The following EPC1 variants were observed in gnomAD, a reference collection of about 807,000 sequenced individuals.
The protein encoded by EPC1 is enhancer of polycomb 1.
Under a neutral mutation model 98.4 loss-of-function variants are expected in EPC1, and 12 were observed. The ratio of observed to expected loss-of-function variants is 0.12; its 90% CI spans 0.08 to 0.20. The LOEUF is 0.20. EPC1 is among the 10% of genes least tolerant of loss of function. EPC1 has a pLI of 1.00. For missense variants in EPC1, 729 were observed against 990.5 expected, an observed-to-expected ratio of 0.74 and a Z score of 3.54; for synonymous variants, 357 against 363.9, an observed-to-expected ratio of 0.98 and a Z score of 0.21.
chr10:32,354,372 T>A (rs1839210585), intron 1 of EPC1, among the ~76,000 whole-genome samples: 1 of 152,110 alleles, frequency 6.6e-6, no homozygotes, highest in South Asian at 2.1e-4. Context: ...GAGAATGGTG[T>A]GGACCCGGGA....
intron 10 of EPC1, among the ~76,000 whole-genome samples, chr10:32,275,479 A>G (rs935929769): frequency 1.3e-5 from 2 of 152,126 alleles, no homozygotes; most frequent in Non-Finnish European, 2.9e-5. Context: ...TAAAAATGCA[A>G]AAGTTGGCTG....
chr10:32,317,457 C>T (rs1836621376), intron 1 of EPC1, among the ~76,000 whole-genome samples: 1 of 151,840 alleles, frequency 6.6e-6, no homozygotes, highest in Non-Finnish European at 1.5e-5. Context: ...GCCTGACCAA[C>T]ATAGGGAAAC....
intron 1 of EPC1, among the ~76,000 whole-genome samples, chr10:32,322,580 CA>C (rs1425510939): frequency 6.6e-6 from 1 of 151,990 alleles, no homozygotes; most frequent in African/African-American, 2.4e-5. Context: ...TCTTGCCAGT[CA>C]ATGTAGCACT....
At chr10:32,272,698 A>G (rs1467051784) in intron 11 of EPC1, among the ~76,000 whole-genome samples, 1 of 152,196 alleles carries the variant, frequency 6.6e-6, no homozygotes. Flanking sequence ...TTTTAAAAAT[A>G]TATTTTTCCT....
intron 1 of EPC1, among the ~76,000 whole-genome samples, chr10:32,310,500 T>C (rs1836144250): frequency 1.3e-5 from 2 of 152,186 alleles, no homozygotes. Context: ...AATAGTTCTG[T>C]AGAAAAAAAC....
intron 1 of EPC1, among the ~76,000 whole-genome samples, chr10:32,364,733 G>T (rs1330227254): frequency 6.6e-6 from 1 of 152,138 alleles, no homozygotes; most frequent in Non-Finnish European, 1.5e-5. Context: ...TGAGACATGT[G>T]ATTTCTAAAG....
chr10:32,330,298 A>G (rs569227924), intron 1 of EPC1, among the ~76,000 whole-genome samples: 2 of 152,188 alleles, frequency 1.3e-5, no homozygotes, highest in African/African-American at 2.4e-5. Context: ...AACATCTGAA[A>G]TATTTGGAAC....
chr10:32,323,208 G>A (rs2248086), intron 1 of EPC1, among the ~76,000 whole-genome samples: 150,338 of 152,266 alleles, frequency 0.99, 74,238 homozygotes, highest in Middle Eastern at 1. Flanking sequence ...AATCTTACAG[G>A]TTTTTCTTCC....
Position 32,346,893 on chromosome 10 carries a change from G to A in EPC1, c.23C>T (p.Ala8Val), listed in dbSNP as rs1398972410. The A allele has an allele frequency of 2.5e-6, 4 of 1,613,898 alleles. No homozygotes were observed. Among genetic ancestry groups the A allele is most frequent in the Non-Finnish European group, 3.4e-6 (4 of 1,180,026 alleles). Residue 8 changes from alanine to valine, a missense_variant, in exon 1 of 14, where the codon GCG becomes GTG. This residue lies in a region of EPC1 where 46 missense variants were observed against 119.7 expected (regional missense o/e 0.38). Transcript: ENST00000319778. ...CGGCTTCGAGGCGTCTAGCGCCCGC[G>A]CCCGAAACGACAGTTTACTCATCTC... Reference protein sequence around the residue: MSKLSFRARALDASKPLP... With the variant: MSKLSFRVRALDASKPLP...
intron 2 of EPC1, among the ~76,000 whole-genome samples, chr10:32,296,864 G>A (rs1221417988): frequency 2.7e-5 from 4 of 150,672 alleles, no homozygotes; most frequent in Admixed American, 6.6e-5. Context: ...CTGAGATCGC[G>A]CCACTGCAAT....
chr10:32,329,612 ACT>A (rs1010120397), intron 1 of EPC1, among the ~76,000 whole-genome samples: 24 of 152,310 alleles, frequency 1.6e-4, no homozygotes, highest in African/African-American at 5.5e-4. Context: ...TCTTCATATA[ACT>A]CTAAATTACA....
In EPC1 at chr10:32,273,283, TG is replaced by T. The variant is rs750409783; in HGVS notation, c.1745-3del. 6.2e-7 allele frequency: 1 copy of T among 1,613,696 alleles called. No individual in the cohort carries two copies. Among genetic ancestry groups the T allele is most frequent in the Non-Finnish European group, 8.5e-7 (1 of 1,179,706 alleles). On this transcript the variant is annotated splice_region_variant and splice_polypyrimidine_tract_variant and intron_variant, in intron 10 of 13. Transcript: ENST00000319778. ...GCTGGTATTGTTCGGCTGTAAATGC[TG>T]AACATAAAATAAAGAAACACTTTAT...
At chr10:32,357,447 C>G (rs1457710987) in intron 1 of EPC1, among the ~76,000 whole-genome samples, 1 of 152,062 alleles carries the variant, frequency 6.6e-6, no homozygotes, top group Non-Finnish European at 1.5e-5. Flanking sequence ...CTGGTCTTTT[C>G]TGGTTTTGTT....
intron 1 of EPC1, chr10:32,346,388 G>T (rs893363836): frequency 5.6e-6 from 1 of 180,156 alleles, no homozygotes; most frequent in African/African-American, 2.4e-5. Flanking sequence ...CACGGCTCCC[G>T]ACTCGCCGCA....
intron 10 of EPC1, among the ~76,000 whole-genome samples, chr10:32,276,375 G>C (rs1836096832): frequency 6.6e-6 from 1 of 152,050 alleles, no homozygotes; most frequent in African/African-American, 2.4e-5. Flanking sequence ...AGCCAGGCGT[G>C]GTGGCACATG....
chr10:32,358,873 T>A (rs1839361022), intron 1 of EPC1, among the ~76,000 whole-genome samples: 1 of 152,192 alleles, frequency 6.6e-6, no homozygotes, highest in Admixed American at 6.5e-5. Flanking sequence ...AAAATACTGA[T>A]GTTCTGAAAT....
chr10:32,339,227 A>G (rs1592615836), intron 1 of EPC1, among the ~76,000 whole-genome samples: 1 of 152,332 alleles, frequency 6.6e-6, no homozygotes, highest in East Asian at 1.9e-4. Flanking sequence ...ACAGATTTAA[A>G]TATAATGGCA....
chr10:32,272,354 G>A (rs1167276963), intron 11 of EPC1, 187 bp from the exon 12 acceptor site: 2 of 516,602 alleles, frequency 3.9e-6, no homozygotes, highest in South Asian at 3.6e-5. Context: ...TATTTGATAA[G>A]TGAAAAGTAA....
intron 1 of EPC1, among the ~76,000 whole-genome samples, chr10:32,339,777 A>G (rs1023035335): frequency 6.6e-6 from 1 of 152,184 alleles, no homozygotes; most frequent in Non-Finnish European, 1.5e-5. Context: ...ACACTGCCTT[A>G]TTCACTCCTC....
Sources: gnomAD v4.1 joint callset for allele counts (sites outside exome capture counted in the v4.1 genomes callset) on GRCh38, gnomAD v4.1.1 for gene constraint, gnomAD v4.1.1 regional missense constraint, MANE v1.5 for transcripts, NCBI Gene and HGNC (gene_info 2026-07-23, HGNC 2026-07-21) for gene names.